Variants in CAPN14 observed in about 807,000 individuals in gnomAD.
The protein encoded by CAPN14 is calpain-14.
Under a neutral mutation model 101.3 loss-of-function variants are expected in CAPN14, and 94 were observed. That is an observed-to-expected ratio of 0.93 (90% confidence interval 0.79 to 1.10). The LOEUF (loss-of-function observed/expected upper bound fraction) is 1.10. CAPN14 is among the 50% of genes least tolerant of loss of function. The pLI, the probability that CAPN14 is intolerant of heterozygous loss-of-function variation, is 0.00. For missense variants in CAPN14, 837 were observed against 828.4 expected (o/e 1.01, Z -0.13); for synonymous variants, 338 against 317.9 (o/e 1.06, Z -0.67).
chr2:31,201,408 G>A (rs1681773935), intron 5 of CAPN14, among the ~76,000 whole-genome samples: 1 of 152,176 alleles, frequency 6.6e-6, no homozygotes, highest in African/African-American at 2.4e-5. Context: ...ACCCAAGCAG[G>A]TGGATCCCCT....
At chr2:31,194,310 C>T (rs1681360947) in intron 9 of CAPN14, 99 bp downstream of exon 9, 5 of 826,096 alleles carry the variant, frequency 6.1e-6, no homozygotes, top group South Asian at 5.8e-5. Flanking sequence ...GATCTCTGTA[C>T]ATGAAGTTCC....
rs764489475 is a variant in CAPN14 at position 31,200,473 on chromosome 2, A to G, written c.704T>C (p.Ile235Thr). The change falls in exon 6 of 22, where the codon ATT becomes ACT. Residue 235 changes from isoleucine to threonine, a missense_variant. By Grantham distance (89) the Ile-to-Thr change is moderately conservative. Coordinates refer to ENST00000403897, the MANE Select transcript of CAPN14 (RefSeq NM_001145122.2). ...CACCCCTGAGTGGGTCTGGCAGCCA[A>G]TGAGGGTTCTGTTGTAGGTGGCTTC... ...LIEATYNRTLIGCQTHSGEKI... is the reference protein window; with the variant it reads ...LIEATYNRTLTGCQTHSGEKI... The G allele has an allele frequency of 2.1e-5, 32 of 1,550,134 alleles. No homozygotes were observed. Among genetic ancestry groups the G allele is most frequent in the South Asian group, 4.8e-5 (4 of 83,968 alleles).
At chr2:31,223,906 A>C (rs1279451786) in intron 2 of CAPN14, among the ~76,000 whole-genome samples, 1 of 152,180 alleles carries the variant, frequency 6.6e-6, no homozygotes, top group Admixed American at 6.5e-5. Context: ...TCTATGTAAG[A>C]ATACTTAGCA....
At chr2:31,206,261 G>A (rs554772731) in intron 1 of CAPN14, among the ~76,000 whole-genome samples, 12 of 152,042 alleles carry the variant, frequency 7.9e-5, no homozygotes, top group South Asian at 4.2e-4. Context: ...CCCCAGCTGC[G>A]CTCCGGGTCA....
At position 31,174,552 on chromosome 2, in the gene CAPN14, G is replaced by C. The variant is rs1680200287; in HGVS notation, c.*129C>G. 2.9e-5 allele frequency: 27 copies of C among 934,914 alleles called. No individual in the cohort carries two copies. The South Asian group carries it at 3.9e-4, about 14-fold the overall frequency. The allele number at this position is 934,914 out of a possible 1,614,324, so 57.9% of individuals were successfully genotyped here. A position where few individuals can be genotyped will look rare whatever the true frequency, so the allele number is the denominator to read the frequency against. On this transcript the variant is annotated 3_prime_UTR_variant, in exon 22 of 22. Coordinates refer to ENST00000403897, the MANE Select transcript of CAPN14 (RefSeq NM_001145122.2). Reference sequence around the variant, plus strand: ...CTGCAGAAGAGAAACCTTCCCAGCTGAGAAGGTGACGGCTAGTGAGGCTGT... The same window carrying C: ...CTGCAGAAGAGAAACCTTCCCAGCTCAGAAGGTGACGGCTAGTGAGGCTGT...
chr2:31,179,504 T>A (rs143457388), intron 17 of CAPN14, among the ~76,000 whole-genome samples: 6,260 of 152,314 alleles, frequency 0.041, 134 homozygotes, highest in Middle Eastern at 0.065. Flanking sequence ...AAGCCTTTGC[T>A]ATTGTGAATA....
Position 31,192,995 on chromosome 2 carries a change from A to G in CAPN14, c.1114+136T>C, listed in dbSNP as rs975489811. The G allele has an allele frequency of 2.5e-5, 22 of 876,292 alleles. No homozygotes were observed. The African/African-American group carries it at 3.7e-4, about 15-fold the overall frequency. The allele number at this position is 876,292 out of a possible 1,614,324, so 54.3% of individuals were successfully genotyped here. On this transcript the variant is annotated intron_variant, in intron 10 of 21. Transcript: ENST00000403897. Reference sequence around the variant, plus strand: ...CCCTGTGGTTATAGCCCAGGGCCCCAACACACAGTGAGGCAAGCAGAGCCT... The same window carrying G: ...CCCTGTGGTTATAGCCCAGGGCCCCGACACACAGTGAGGCAAGCAGAGCCT...
At chr2:31,191,326 T>C (rs1278406413) in intron 12 of CAPN14, 73 bp downstream of exon 12, 8 of 1,437,776 alleles carry the variant, frequency 5.6e-6, no homozygotes, top group East Asian at 5.0e-5. Flanking sequence ...CCAGTCTAAC[T>C]AAATCCTGTG....
intron 1 of CAPN14, among the ~76,000 whole-genome samples, chr2:31,206,233 C>A (rs1449746592): frequency 2.0e-5 from 3 of 151,864 alleles, no homozygotes; most frequent in Admixed American, 2.0e-4. Context: ...CCAAGGATGT[C>A]TCTCCCATCC....
intron 6 of CAPN14, among the ~76,000 whole-genome samples, 151 bp from the exon 7 acceptor site, chr2:31,199,683 TGGTATC>T (rs1681651681): frequency 6.6e-6 from 1 of 152,206 alleles, no homozygotes; most frequent in African/African-American, 2.4e-5. Context: ...CAAAGCTCTT[TGGTATC>T]CATAGTCTCA....
At chr2:31,180,274 A>G (rs568923934) in intron 17 of CAPN14, among the ~76,000 whole-genome samples, 59 of 152,332 alleles carry the variant, frequency 3.9e-4, no homozygotes, top group Middle Eastern at 3.4e-3. Context: ...GACCTGCTCC[A>G]TGCCCGTGCA....
At chr2:31,232,665 C>T (rs1683230248) in intron 1 of CAPN14, among the ~76,000 whole-genome samples, 1 of 152,156 alleles carries the variant, frequency 6.6e-6, no homozygotes, top group African/African-American at 2.4e-5. Context: ...CGAGAACTCA[C>T]TCACTATCAT....
At chr2:31,175,735 C>T (rs1200627753) in intron 21 of CAPN14, among the ~76,000 whole-genome samples, 1 of 152,172 alleles carries the variant, frequency 6.6e-6, no homozygotes. Flanking sequence ...GAAAGCAATT[C>T]CATAAAATGG....
At chr2:31,188,474 AC>A in intron 13 of CAPN14, 120 bp from the exon 14 acceptor site, 1 of 818,826 alleles carries the variant, frequency 1.2e-6, no homozygotes, top group Non-Finnish European at 2.0e-6. Flanking sequence ...ACAAGGGCCC[AC>A]CCAGCTCTCA....
At chr2:31,216,257 T>A (rs567874938) in intron 1 of CAPN14, among the ~76,000 whole-genome samples, 17 of 152,328 alleles carry the variant, frequency 1.1e-4, no homozygotes, top group Admixed American at 9.2e-4. Flanking sequence ...GTGGTTACCC[T>A]TGAGGTCGAG....
At chr2:31,200,316 G>T in intron 6 of CAPN14, 135 bp downstream of exon 6, 1 of 776,008 alleles carries the variant, frequency 1.3e-6, no homozygotes, top group Non-Finnish European at 2.0e-6. Flanking sequence ...TGCTGCTCTG[G>T]TTTGAACACC....
Position 31,189,316 on chromosome 2 carries a change from A to G in CAPN14, c.1450T>C (p.Ser484Pro). 1 of 1,551,664 alleles carries G rather than the reference A, an allele frequency of 6.4e-7. No individual in the cohort carries two copies. The highest frequency in any genetic ancestry group is 1.4e-5 in the African/African-American group (1 of 73,158). ...VPCILEAHQK[S>P]EFVLRVFSRK... Reference sequence around the variant, plus strand: ...GAGAAGACCCTGAGGACGAACTCTGACTTCTGGTGGGCCTCCAATATGCAG... The same window carrying G: ...GAGAAGACCCTGAGGACGAACTCTGGCTTCTGGTGGGCCTCCAATATGCAG... Residue 484 changes from serine to proline, a missense_variant, in exon 13 of 22, where the codon TCA (serine) becomes CCA (proline). Physicochemically the swap from Ser to Pro is moderately conservative, Grantham distance 74 (BLOSUM62 -1). Coordinates refer to ENST00000403897, the MANE Select transcript of CAPN14 (RefSeq NM_001145122.2).
Position 31,230,052 on chromosome 2 carries a change from C to G in CAPN14, c.-176-3401G>C. Among the ~76,000 whole-genome samples the G allele has an allele frequency of 6.6e-6, 1 of 152,224 alleles. No individual in the cohort carries two copies. The highest frequency in any genetic ancestry group is 2.4e-5 in the African/African-American group (1 of 41,540). On this transcript the variant is annotated intron_variant and NMD_transcript_variant, in intron 1 of 21. Transcript: ENST00000398824. This position sits in a 1 kb window ranked among gnomAD's most constrained non-coding sequence, Gnocchi z 4.3. ...TTTTTTGTAACTTTCATTTTAGGTT[C>G]GGGGGTACATGTGAAGGTTTGTTAT...
intron 21 of CAPN14, among the ~76,000 whole-genome samples, chr2:31,175,347 C>G (rs1009356730): frequency 3.9e-5 from 6 of 152,208 alleles, no homozygotes; most frequent in African/African-American, 1.2e-4. Flanking sequence ...TGTGGGGCAG[C>G]TGAGGCCCAG....
Sources: allele counts gnomAD v4.1 joint callset (sites outside exome capture counted in the v4.1 genomes callset), GRCh38; gene constraint gnomAD v4.1.1; non-coding constraint Gnocchi (gnomAD v3.1); transcripts MANE v1.5; gene names NCBI Gene and HGNC (gene_info 2026-07-23, HGNC 2026-07-21).